XPR1: variants seen among roughly 807,000 people sequenced by gnomAD.
XPR1 encodes xenotropic and polytropic retrovirus receptor 1, also known as solute carrier family 53 member 1.
Under a neutral mutation model 87.5 loss-of-function variants are expected in XPR1, and 28 were observed. The observed-to-expected ratio is 0.32, with a 90% CI of 0.24 to 0.44. XPR1 has a LOEUF of 0.44. Among genes scored for constraint, XPR1 ranks in the 20% least tolerant of loss-of-function variants. The pLI is 1.00. For synonymous variants in XPR1, 300 were observed against 306.1 expected, an observed-to-expected ratio of 0.98 and a Z score of 0.21; for missense variants, 559 against 862.3, an observed-to-expected ratio of 0.65 and a Z score of 4.41.
Position 180,803,420 on chromosome 1 carries a change from A to G in XPR1, c.256A>G (p.Thr86Ala), listed in dbSNP as rs751734484. 21 of 1,613,922 alleles carry G rather than the reference A, an allele frequency of 1.3e-5. No individual in the cohort carries two copies. The highest frequency in any genetic ancestry group is 1.5e-5 in the Non-Finnish European group (18 of 1,179,982). The change falls in exon 4 of 15, where the codon ACA becomes GCA. Residue 86 changes from threonine to alanine, a missense_variant. By Grantham distance (58) the Thr-to-Ala change is moderately conservative. Coordinates refer to ENST00000367590, the MANE Select transcript of XPR1 (RefSeq NM_004736.4). ...CGCAGAGGCTCAGCGCAGGTTTGCT[A>G]CACTTCAGAATGAGCTTCAGTCATC... is the stretch of plus-strand genomic sequence containing the variant. ...KLAEAQRRFA[T>A]LQNELQSSLD...
chr1:180,659,362 TC>T (rs1557943570), intron 1 of XPR1, among the ~76,000 whole-genome samples: 7 of 113,146 alleles, frequency 6.2e-5, no homozygotes, highest in African/African-American at 1.9e-4. Flanking sequence ...CGTCCTTCCG[TC>T]CTTCCGTCCG....
chr1:180,677,969 G>C (rs1169742670), intron 1 of XPR1, among the ~76,000 whole-genome samples: 1 of 152,216 alleles, frequency 6.6e-6, no homozygotes, highest in Non-Finnish European at 1.5e-5. Flanking sequence ...GCTGACTGCA[G>C]ATTTGAGGAT....
intron 7 of XPR1, among the ~76,000 whole-genome samples, chr1:180,813,879 T>G (rs1042156297): frequency 6.6e-6 from 1 of 152,184 alleles, no homozygotes; most frequent in African/African-American, 2.4e-5. Flanking sequence ...TGCAATTACT[T>G]TTGCATCAAC....
chr1:180,686,755 G>A (rs1656794605), intron 2 of XPR1, among the ~76,000 whole-genome samples: 1 of 152,132 alleles, frequency 6.6e-6, no homozygotes, highest in South Asian at 2.1e-4. Flanking sequence ...CAAGCTATTA[G>A]AGACTTGTTC....
intron 1 of XPR1, among the ~76,000 whole-genome samples, chr1:180,678,328 A>G (rs548420745): frequency 6.6e-6 from 1 of 151,974 alleles, no homozygotes; most frequent in South Asian, 2.1e-4. Context: ...CTAATCCTCT[A>G]ATCACTTGAT....
intron 2 of XPR1, among the ~76,000 whole-genome samples, chr1:180,742,965 G>T (rs1277597773): frequency 6.6e-6 from 1 of 151,856 alleles, no homozygotes; most frequent in Non-Finnish European, 1.5e-5. Flanking sequence ...ATTAGTATTT[G>T]CATGGTGTAT....
chr1:180,760,121 A>G (rs187423743), intron 2 of XPR1, among the ~76,000 whole-genome samples: 64 of 152,336 alleles, frequency 4.2e-4, no homozygotes, highest in African/African-American at 1.4e-3. Context: ...TCTCAAAATA[A>G]TAAGAGCTAT....
intron 11 of XPR1, among the ~76,000 whole-genome samples, chr1:180,849,243 G>A (rs528265567): frequency 2.6e-5 from 4 of 152,276 alleles, no homozygotes; most frequent in East Asian, 3.9e-4. Context: ...TACCAACTCC[G>A]AAAGAAAGGA....
chr1:180,819,392 G>A (rs1455852267), intron 7 of XPR1, among the ~76,000 whole-genome samples: 3 of 152,074 alleles, frequency 2.0e-5, no homozygotes, highest in East Asian at 1.9e-4. Flanking sequence ...TTTGGTTTTC[G>A]CTGACTTTTC....
At chr1:180,798,086 A>G (rs1649650617) in intron 3 of XPR1, among the ~76,000 whole-genome samples, 1 of 152,166 alleles carries the variant, frequency 6.6e-6, no homozygotes, top group Admixed American at 6.5e-5. Context: ...AAGACTGGAA[A>G]GAAATCCTAA....
intron 12 of XPR1, among the ~76,000 whole-genome samples, chr1:180,865,375 C>A (rs1427676499): frequency 6.6e-6 from 1 of 151,790 alleles, no homozygotes; most frequent in Non-Finnish European, 1.5e-5. Context: ...ATTGTTCTTG[C>A]CCTCTGAGAG....
At chr1:180,855,615 G>A (rs1652000860) in intron 11 of XPR1, among the ~76,000 whole-genome samples, 2 of 147,246 alleles carry the variant, frequency 1.4e-5, no homozygotes. Context: ...AATGAGCCGA[G>A]ATCATGCCAC....
intron 2 of XPR1, among the ~76,000 whole-genome samples, chr1:180,688,257 TAACCTGCCTGGCCAACATG>T (rs1171092577): frequency 6.6e-6 from 1 of 151,190 alleles, no homozygotes; most frequent in African/African-American, 2.4e-5. Context: ...TTTGCCATGT[TAACCTGCCTGGCCAACATG>T]GCCAGTTTTG....
At position 180,846,864 on chromosome 1, in the gene XPR1, A is replaced by G. The variant is rs1405170346; in HGVS notation, c.1501+10148A>G. Among the ~76,000 whole-genome samples the G allele has an allele frequency of 6.6e-5, 10 of 152,272 alleles. No homozygotes were observed. In the South Asian group the frequency reaches 2.1e-3, roughly 32 times the overall value. On this transcript the variant is annotated intron_variant, in intron 11 of 14. Coordinates refer to ENST00000367590, the MANE Select transcript of XPR1 (RefSeq NM_004736.4). ...ATATTTTCTTCACATAGTAAAAAAA[A>G]AAAAAAATGATGCCACTTAATAGGA...
At chr1:180,677,664 C>G (rs896317651) in intron 1 of XPR1, among the ~76,000 whole-genome samples, 2 of 152,210 alleles carry the variant, frequency 1.3e-5, no homozygotes, top group Non-Finnish European at 2.9e-5. Context: ...ACCATAATTT[C>G]TAATCTTGTG....
Position 180,883,570 on chromosome 1 carries a change from G to A in XPR1, c.2031-436G>A, listed in dbSNP as rs564242718. Among the ~76,000 whole-genome samples the A allele has an allele frequency of 2.0e-4, 30 of 152,174 alleles. No homozygotes were observed. The South Asian group carries it at 2.1e-3, about 11-fold the overall frequency. ...CTAAAAATACAAAACTTCGCCAAGC[G>A]TGGTGGCACATGCCTGTAATCCCAG... is the stretch of plus-strand genomic sequence containing the variant. On this transcript the variant is annotated intron_variant, in intron 14 of 14. Coordinates refer to ENST00000367590, the MANE Select transcript of XPR1 (RefSeq NM_004736.4).
chr1:180,786,655 A>G (rs540220625), intron 2 of XPR1, among the ~76,000 whole-genome samples: 1 of 152,326 alleles, frequency 6.6e-6, no homozygotes, highest in South Asian at 2.1e-4. Context: ...CTGCAGAAAC[A>G]TGTATTGATT....
At position 180,772,736 on chromosome 1, in the gene XPR1, G is replaced by A. The variant is rs142664892; in HGVS notation, c.122-15017G>A. ...AACCGCTCTTTGCCTGCTGGCATCC[G>A]CGTAAGATGTGACTTGCTCCTCCTT... On this transcript the variant is annotated intron_variant, in intron 2 of 14. Transcript: ENST00000367590. 1.1e-4 allele frequency among the ~76,000 whole-genome samples: 16 copies of A among 152,272 alleles called. No individual in the cohort carries two copies. The South Asian group carries it at 1.9e-3, about 18-fold the overall frequency.
At chr1:180,698,188 A>G (rs541988578) in intron 2 of XPR1, among the ~76,000 whole-genome samples, 2 of 151,924 alleles carry the variant, frequency 1.3e-5, no homozygotes, top group South Asian at 4.2e-4. Context: ...TTATTTAATG[A>G]CCTTCTTTGT....
Sources: gnomAD v4.1 joint callset for allele counts (sites outside exome capture counted in the v4.1 genomes callset) on GRCh38, gnomAD v4.1.1 for gene constraint, MANE v1.5 for transcripts, NCBI Gene and HGNC (gene_info 2026-07-23, HGNC 2026-07-21) for gene names.